Variants in CAMK1G observed in about 807,000 individuals in gnomAD.
CAMK1G encodes the protein calcium/calmodulin-dependent protein kinase type 1G.
A neutral mutation model predicts 54.8 loss-of-function variants in CAMK1G; 27 were observed. The observed-to-expected ratio is 0.49, with a 90% CI of 0.36 to 0.68. The LOEUF (loss-of-function observed/expected upper bound fraction) is 0.68. Among genes scored for constraint, CAMK1G ranks in the 30% least tolerant of loss-of-function variants. The pLI is 0.00. For missense variants in CAMK1G, 512 were observed against 591.0 expected (o/e 0.87, Z 1.39); for synonymous variants, 238 against 224.9 (o/e 1.06, Z -0.52).
In CAMK1G at chr1:209,609,891, C is replaced by T. The variant is rs149187822; in HGVS notation, c.789C>T (p.Asn263=). The change falls in exon 9 of 13, where the codon AAC becomes AAT. Residue 263 remains asparagine (N), a synonymous_variant. Transcript: ENST00000361322. ...GCCACTTGCTTGAGAAGGATCCGAA[C>T]GAGCGGTACACCTGTGAGAAGGCCT... ...FICHLLEKDP[N]ERYTCEKALS... 4.1e-4 allele frequency: 660 copies of T among 1,614,074 alleles called. No homozygotes were observed. Among genetic ancestry groups the T allele is most frequent in the African/African-American group, 3.7e-3 (281 of 75,014 alleles).
At chr1:209,586,902 G>C (rs569145172) in intron 1 of CAMK1G, among the ~76,000 whole-genome samples, 1 of 152,088 alleles carries the variant, frequency 6.6e-6, no homozygotes, top group African/African-American at 2.4e-5. Context: ...TAAACCATAA[G>C]CAACACATAA....
At chr1:209,611,704 T>C (rs879188450) in intron 10 of CAMK1G, 88 bp from the exon 11 acceptor site, 1 of 1,535,784 alleles carries the variant, frequency 6.5e-7, no homozygotes, top group South Asian at 1.2e-5. Context: ...CACCCAGGTT[T>C]CAAGAGGCCA....
intron 1 of CAMK1G, among the ~76,000 whole-genome samples, chr1:209,593,948 C>T (rs1384228399): frequency 6.6e-6 from 1 of 152,196 alleles, no homozygotes; most frequent in Non-Finnish European, 1.5e-5. Flanking sequence ...CACCCCCCAC[C>T]ATACGGAGCT....
At chr1:209,608,862 C>T in intron 7 of CAMK1G, 118 bp from the exon 8 acceptor site, 1 of 1,423,422 alleles carries the variant, frequency 7.0e-7, no homozygotes, top group Non-Finnish European at 9.5e-7. Flanking sequence ...GGTCACACCA[C>T]TGTTCTGGGA....
chr1:209,583,934 T>A (rs1400085079), intron 1 of CAMK1G, 162 bp downstream of exon 1: 1 of 152,138 alleles, frequency 6.6e-6, no homozygotes, highest in Non-Finnish European at 1.5e-5. Context: ...GCATCAAGGG[T>A]GAGTTATAGC....
chr1:209,596,064 C>T (rs948733417), intron 2 of CAMK1G, among the ~76,000 whole-genome samples: 1 of 152,244 alleles, frequency 6.6e-6, no homozygotes, highest in Admixed American at 6.5e-5. Flanking sequence ...CTTTCTCTGT[C>T]GCCAATGTCA....
rs750092537 is a variant in CAMK1G, at chr1:209,595,060, T to C, written c.77T>C (p.Met26Thr). The change falls in exon 2 of 13, where the codon ATG becomes ACG. Residue 26 changes from methionine to threonine, a missense_variant. Physicochemically the swap from Met to Thr is moderately conservative, Grantham distance 81. Around this residue, in one of 3 missense-constraint regions of CAMK1G, gnomAD observed 186 missense variants for 231.5 expected, o/e 0.80. Transcript: ENST00000361322. ...TTNIRKTFIF[M>T]EVLGSGAFSE... ...AACATCCGGAAAACCTTCATTTTTA[T>C]GGAAGTGCTGGGATCGTAAGTCCTG... 6.2e-7 allele frequency: 1 copy of C among 1,613,982 alleles called. No individual in the cohort carries two copies. Among genetic ancestry groups the C allele is most frequent in the South Asian group, 1.1e-5 (1 of 91,074 alleles).
intron 3 of CAMK1G, among the ~76,000 whole-genome samples, chr1:209,601,265 C>T (rs1665519209): frequency 6.6e-6 from 1 of 151,924 alleles, no homozygotes; most frequent in African/African-American, 2.4e-5. Context: ...ATCATATGTG[C>T]CTAAAAGGAC....
At chr1:209,593,273 T>G (rs754455959) in intron 1 of CAMK1G, among the ~76,000 whole-genome samples, 1 of 152,218 alleles carries the variant, frequency 6.6e-6, no homozygotes, top group Non-Finnish European at 1.5e-5. Context: ...AGGCTATTAT[T>G]AATACAAGAC....
At chr1:209,612,396 T>G in intron 11 of CAMK1G, 180 bp downstream of exon 11, 1 of 670,058 alleles carries the variant, frequency 1.5e-6, no homozygotes, top group East Asian at 2.7e-5. Context: ...ACTTACTAGT[T>G]GTGAGGCCAT....
At chr1:209,607,505 A>G (rs1330220382) in intron 6 of CAMK1G, among the ~76,000 whole-genome samples, 1 of 152,154 alleles carries the variant, frequency 6.6e-6, no homozygotes, top group Non-Finnish European at 1.5e-5. Context: ...GAGAGAGATC[A>G]CACTTGCCCT....
intron 3 of CAMK1G, among the ~76,000 whole-genome samples, 177 bp downstream of exon 3, chr1:209,600,288 A>ATTT (rs10641906): frequency 1.6e-3 from 240 of 148,572 alleles, no homozygotes; most frequent in East Asian, 2.6e-3. Flanking sequence ...GTCCTAGCTG[A>ATTT]TTTTTTTTTT....
At chr1:209,584,333 A>C (rs1665040725) in intron 1 of CAMK1G, among the ~76,000 whole-genome samples, 1 of 152,200 alleles carries the variant, frequency 6.6e-6, no homozygotes, top group Admixed American at 6.5e-5. Context: ...AAGACGAGTC[A>C]GCCTCAGTCC....
chr1:209,602,118 G>C (rs542108456), intron 3 of CAMK1G, among the ~76,000 whole-genome samples: 9 of 152,198 alleles, frequency 5.9e-5, no homozygotes, highest in East Asian at 5.8e-4. Flanking sequence ...CCCCAAACAA[G>C]GGTAATGTAG....
At chr1:209,584,189 A>G (rs531238401) in intron 1 of CAMK1G, among the ~76,000 whole-genome samples, 4 of 152,154 alleles carry the variant, frequency 2.6e-5, no homozygotes, top group Admixed American at 2.0e-4. Context: ...CTCAACCTTC[A>G]TCTCTTAACC....
In CAMK1G at chr1:209,595,721, C is replaced by A. The variant is rs543767663; in HGVS notation, c.92+646C>A. ...CCAGGGAGCTCGTGGGTCACACACACCTGAATCAGCCCCCTGCACCACCAT... is the reference window on the plus strand; with the variant it reads ...CCAGGGAGCTCGTGGGTCACACACAACTGAATCAGCCCCCTGCACCACCAT... On this transcript the variant is annotated intron_variant, in intron 2 of 12. Transcript: ENST00000361322. Among the ~76,000 whole-genome samples, 4 of 152,340 alleles carry A rather than the reference C, an allele frequency of 2.6e-5. No homozygotes were observed. The East Asian group carries it at 7.7e-4, about 29-fold the overall frequency.
At chr1:209,599,477 A>G (rs1009850884) in intron 2 of CAMK1G, among the ~76,000 whole-genome samples, 2 of 152,246 alleles carry the variant, frequency 1.3e-5, no homozygotes, top group African/African-American at 4.8e-5. Context: ...ATGTAGAAAG[A>G]TGATTCTTTC....
intron 1 of CAMK1G, among the ~76,000 whole-genome samples, chr1:209,584,905 G>C (rs748301775): frequency 1.3e-4 from 20 of 152,180 alleles, no homozygotes; most frequent in Non-Finnish European, 5.9e-5. Flanking sequence ...CTGATATGGG[G>C]ACCACACTTT....
chr1:209,598,100 C>T (rs956825956), intron 2 of CAMK1G, among the ~76,000 whole-genome samples: 2 of 152,184 alleles, frequency 1.3e-5, no homozygotes, highest in African/African-American at 4.8e-5. Flanking sequence ...AACAATCAGG[C>T]TTCAGCATCT....
Sources: gnomAD v4.1 joint callset for allele counts (sites outside exome capture counted in the v4.1 genomes callset) on GRCh38, gnomAD v4.1.1 for gene constraint, gnomAD v4.1.1 regional missense constraint, MANE v1.5 for transcripts, NCBI Gene and HGNC (gene_info 2026-07-23, HGNC 2026-07-21) for gene names.